LGSN: variants seen among roughly 807,000 people sequenced by gnomAD.
The protein encoded by LGSN is lengsin.
A neutral mutation model predicts 19.5 loss-of-function variants in LGSN; 21 were observed. The observed-to-expected ratio is 1.07, with a 90% CI of 0.76 to 1.55. The LOEUF (loss-of-function observed/expected upper bound fraction) is 1.55, where lower values mean the gene tolerates loss of function less well. LGSN is among the 40% of genes most tolerant of loss of function. The pLI is 0.00. For missense variants in LGSN, 673 were observed against 608.5 expected, an observed-to-expected ratio of 1.11 and a Z score of -1.12; for synonymous variants, 257 against 215.6, an observed-to-expected ratio of 1.19 and a Z score of -1.68.
At chr6:63,474,394 G>A in the LGSN span, among the ~76,000 whole-genome samples, 67 of 151,396 alleles carry the variant, frequency 4.4e-4, no homozygotes, top group Non-Finnish European at 9.3e-4. Context: ...GGATCACGAG[G>A]TCAGGAGATC....
At chr6:63,388,567 G>A in the LGSN span, among the ~76,000 whole-genome samples, 1 of 152,054 alleles carries the variant, frequency 6.6e-6, no homozygotes, top group Non-Finnish European at 1.5e-5. Context: ...GGGAGAAGAC[G>A]GCCATTGACA....
chr6:63,323,442 A>G (rs1769136798), upstream of LGSN, among the ~76,000 whole-genome samples: 1 of 151,908 alleles, frequency 6.6e-6, no homozygotes, highest in African/African-American at 2.4e-5. Flanking sequence ...CATTTTTATA[A>G]CACCATTAAT....
chr6:63,424,535 A>G, the LGSN span, among the ~76,000 whole-genome samples: 1 of 149,750 alleles, frequency 6.7e-6, no homozygotes, highest in African/African-American at 2.5e-5. Context: ...ACACACACAC[A>G]CACATACAAA....
the LGSN span, among the ~76,000 whole-genome samples, chr6:63,339,638 C>T: frequency 1.3e-5 from 2 of 152,110 alleles, no homozygotes; most frequent in African/African-American, 4.8e-5. Context: ...TTCAGCCAGT[C>T]TGTATCTTTT....
the LGSN span, among the ~76,000 whole-genome samples, chr6:63,510,688 T>G: frequency 4.7e-5 from 4 of 84,650 alleles, no homozygotes; most frequent in South Asian, 7.3e-4. Flanking sequence ...TTTTTTTTTT[T>G]GTTGAGACAG....
intron 3 of LGSN, among the ~76,000 whole-genome samples, chr6:63,282,370 T>C (rs79681594): frequency 0.031 from 4,665 of 152,236 alleles, 248 homozygotes; most frequent in African/African-American, 0.11. Context: ...TCTCTTTTTT[T>C]CCCCTTATAA....
chr6:63,468,072 T>C, the LGSN span, among the ~76,000 whole-genome samples: 1 of 152,220 alleles, frequency 6.6e-6, no homozygotes, highest in Non-Finnish European at 1.5e-5. Flanking sequence ...ATGACTTTTT[T>C]GAGAAGACAA....
At chr6:63,419,761 G>C in the LGSN span, among the ~76,000 whole-genome samples, 1 of 151,040 alleles carries the variant, frequency 6.6e-6, no homozygotes, top group African/African-American at 2.4e-5. Flanking sequence ...GTTGGTGGAC[G>C]CCTATAATCC....
At chr6:63,506,371 C>A in the LGSN span, among the ~76,000 whole-genome samples, 2 of 151,984 alleles carry the variant, frequency 1.3e-5, no homozygotes, top group Non-Finnish European at 2.9e-5. Flanking sequence ...TCAAGTGATT[C>A]TCCTGCCTCA....
chr6:63,437,482 C>A, the LGSN span, among the ~76,000 whole-genome samples: 1 of 151,978 alleles, frequency 6.6e-6, no homozygotes, highest in South Asian at 2.1e-4. Flanking sequence ...GCCACTGTGC[C>A]GGCCTTAATA....
chr6:63,438,317 C>T, the LGSN span, among the ~76,000 whole-genome samples: 1 of 152,078 alleles, frequency 6.6e-6, no homozygotes, highest in Non-Finnish European at 1.5e-5. Flanking sequence ...GTCTAAAACA[C>T]CAAAAGCAAT....
the LGSN span, among the ~76,000 whole-genome samples, chr6:63,378,909 GC>G: frequency 9.2e-5 from 14 of 152,186 alleles, no homozygotes; most frequent in Non-Finnish European, 1.6e-4. Context: ...TAAGCAGTTT[GC>G]TTTATTCTGA....
At chr6:63,415,862 A>T in the LGSN span, among the ~76,000 whole-genome samples, 19 of 152,164 alleles carry the variant, frequency 1.2e-4, no homozygotes, top group Non-Finnish European at 2.4e-4. Flanking sequence ...GCGTTATGTG[A>T]ACTCTCTTTA....
the LGSN span, among the ~76,000 whole-genome samples, chr6:63,497,894 C>T: frequency 6.8e-6 from 1 of 147,514 alleles, no homozygotes; most frequent in African/African-American, 2.5e-5. Flanking sequence ...TTGTTCTTCA[C>T]AGTTCTATAG....
chr6:63,422,151 C>T, the LGSN span, among the ~76,000 whole-genome samples: 11 of 152,238 alleles, frequency 7.2e-5, no homozygotes, highest in East Asian at 9.6e-4. Flanking sequence ...GCAACCTCTA[C>T]CTCCCGGGTT....
chr6:63,490,994 C>T, the LGSN span, among the ~76,000 whole-genome samples: 3 of 151,926 alleles, frequency 2.0e-5, no homozygotes, highest in South Asian at 2.1e-4. Flanking sequence ...GGGCCCTCAA[C>T]GGGTTGAATG....
intron 2 of LGSN, 133 bp downstream of exon 2, chr6:63,294,780 C>T: frequency 2.4e-6 from 2 of 834,314 alleles, no homozygotes; most frequent in Non-Finnish European, 3.9e-6. Flanking sequence ...TTTTATGACA[C>T]TTATGTAGGA....
chr6:63,393,619 T>C, the LGSN span, among the ~76,000 whole-genome samples: 2 of 152,148 alleles, frequency 1.3e-5, no homozygotes, highest in Non-Finnish European at 2.9e-5. Flanking sequence ...TCGAACCAAT[T>C]TGTGAGCCCT....
chr6:63,420,509 A>G, the LGSN span, among the ~76,000 whole-genome samples: 3 of 151,978 alleles, frequency 2.0e-5, no homozygotes, highest in Non-Finnish European at 4.4e-5. Flanking sequence ...TAAGTTCAGC[A>G]CTCTCCAGCT....
Sources: gnomAD v4.1 joint callset for allele counts (sites outside exome capture counted in the v4.1 genomes callset) on GRCh38, gnomAD v4.1.1 for gene constraint, MANE v1.5 for transcripts, NCBI Gene and HGNC (gene_info 2026-07-23, HGNC 2026-07-21) for gene names.